R3HDM2: variants seen among roughly 807,000 people sequenced by gnomAD.
The protein encoded by R3HDM2 is R3H domain containing 2, also known as R3H domain-containing protein 2.
R3HDM2 carries 38 observed loss-of-function variants against 124.5 expected under a neutral mutation model. The observed-to-expected ratio is 0.31, with a 90% CI of 0.24 to 0.40. The LOEUF (loss-of-function observed/expected upper bound fraction) is 0.40. Among genes scored for constraint, R3HDM2 ranks in the 10% least tolerant of loss-of-function variants. The pLI is 1.00. For synonymous variants in R3HDM2, 391 were observed against 448.0 expected (o/e 0.87, Z 1.61); for missense variants, 869 against 1,236.9 (o/e 0.70, Z 4.46).
At chr12:57,275,261 G>A (rs1186086051) in intron 14 of R3HDM2, among the ~76,000 whole-genome samples, 2 of 152,128 alleles carry the variant, frequency 1.3e-5, no homozygotes, top group Admixed American at 1.3e-4. Flanking sequence ...TAATTGGCTA[G>A]CCACATGTAG....
intron 2 of R3HDM2, among the ~76,000 whole-genome samples, chr12:57,384,985 A>G (rs1566435721): frequency 1.3e-5 from 2 of 151,988 alleles, no homozygotes; most frequent in East Asian, 2.0e-4. Context: ...CATCTCTACT[A>G]AAAATACTAA....
chr12:57,398,280 G>A (rs1003874033), intron 1 of R3HDM2, among the ~76,000 whole-genome samples: 1 of 151,980 alleles, frequency 6.6e-6, no homozygotes, highest in African/African-American at 2.4e-5. Context: ...TCTAAACAGT[G>A]TCTGACACAT....
At chr12:57,342,215 T>C (rs1261704794) in intron 2 of R3HDM2, among the ~76,000 whole-genome samples, 2 of 152,168 alleles carry the variant, frequency 1.3e-5, no homozygotes, top group South Asian at 2.1e-4. Flanking sequence ...ACATTATTAA[T>C]GGAGACTTCA....
chr12:57,396,414 C>T (rs1478337554), intron 1 of R3HDM2, among the ~76,000 whole-genome samples: 1 of 151,478 alleles, frequency 6.6e-6, no homozygotes, highest in Non-Finnish European at 1.5e-5. Flanking sequence ...GCACTCCAGC[C>T]TGGGGGACAG....
At chr12:57,386,742 G>C (rs977990331) in intron 2 of R3HDM2, among the ~76,000 whole-genome samples, 13 of 152,242 alleles carry the variant, frequency 8.5e-5, no homozygotes, top group African/African-American at 3.1e-4. Flanking sequence ...TAAGTCTGGT[G>C]GGGACTTGGA....
rs558650907 is a variant in R3HDM2 at position 57,307,183 on chromosome 12, C to T, written c.165+3081G>A. Among the ~76,000 whole-genome samples, 59 of 152,204 alleles carry T rather than the reference C, an allele frequency of 3.9e-4. 1 individual carries two copies. Among genetic ancestry groups the T allele is most frequent in the Non-Finnish European group, 7.2e-4 (49 of 68,040 alleles). ...CTCACACATTATATGTAATGAACGT[C>T]CCTTTTCCCCAAACTTTTCAGCTCC... is the stretch of plus-strand genomic sequence containing the variant. On this transcript the variant is annotated intron_variant, in intron 3 of 23. Coordinates refer to ENST00000402412, the MANE Select transcript of R3HDM2 (RefSeq NM_001394031.1).
In R3HDM2 at chr12:57,296,723, C is replaced by A. The variant is rs1448824415; in HGVS notation, c.561-172G>T. ...GAACCAAATAGGTTTTTCTCAGTTT[C>A]TTTATCTACAGTATTCTGCAGATTA... On this transcript the variant is annotated intron_variant, in intron 8 of 23. Transcript: ENST00000402412. The surrounding 1 kb of genome is among the most constrained non-coding windows in gnomAD (Gnocchi z 4.5). The A allele has an allele frequency of 1.4e-6, 1 of 694,290 alleles. No individual in the cohort carries two copies. Among genetic ancestry groups the A allele is most frequent in the Non-Finnish European group, 2.3e-6 (1 of 431,628 alleles). 43.0% of individuals were successfully genotyped at this position (694,290 alleles called of 1,614,324 possible).
chr12:57,388,388 T>C (rs1360742118), intron 2 of R3HDM2, among the ~76,000 whole-genome samples: 2 of 152,206 alleles, frequency 1.3e-5, no homozygotes, highest in South Asian at 2.1e-4. Context: ...GAAAGGCATA[T>C]TTATTTATTA....
rs570961964 is a variant in R3HDM2, at chr12:57,413,744, A to AAAC, written c.-106+16973_-106+16975dup. On this transcript the variant is annotated intron_variant, in intron 1 of 23. Transcript: ENST00000402412. The stretch of plus-strand genomic sequence containing the variant: ...GAGCAAGACTCCATTCTCAAGGAAA[A>AAAC]AACAACAACAACAACAACAAAAAAA... Among the ~76,000 whole-genome samples, 144 of 151,940 alleles carry AAAC rather than the reference A, an allele frequency of 9.5e-4. 1 individual carries two copies. In the East Asian group the frequency reaches 0.019, roughly 20 times the overall value.
At chr12:57,410,837 A>G (rs2068941565) in intron 1 of R3HDM2, among the ~76,000 whole-genome samples, 1 of 152,218 alleles carries the variant, frequency 6.6e-6, no homozygotes, top group African/African-American at 2.4e-5. Flanking sequence ...TGAGTGACAG[A>G]GCAAGACTCT....
At chr12:57,401,246 T>C (rs1484947768) in intron 1 of R3HDM2, among the ~76,000 whole-genome samples, 4 of 151,540 alleles carry the variant, frequency 2.6e-5, no homozygotes, top group Non-Finnish European at 1.5e-5. Flanking sequence ...GTGACTTGCT[T>C]CAACCATCAG....
intron 2 of R3HDM2, among the ~76,000 whole-genome samples, chr12:57,346,905 T>G (rs2060143684): frequency 6.6e-6 from 1 of 151,916 alleles, no homozygotes; most frequent in African/African-American, 2.4e-5. Context: ...GGTGGTAAGG[T>G]TTCAAGACTC....
chr12:57,358,277 G>A (rs914569446), intron 2 of R3HDM2, among the ~76,000 whole-genome samples: 4 of 151,844 alleles, frequency 2.6e-5, no homozygotes, highest in Non-Finnish European at 4.4e-5. Flanking sequence ...GTGAGCCACC[G>A]CGCCCAGCCA....
chr12:57,430,001 C>T (rs908644390), intron 1 of R3HDM2, among the ~76,000 whole-genome samples: 4 of 152,162 alleles, frequency 2.6e-5, no homozygotes, highest in Non-Finnish European at 5.9e-5. Flanking sequence ...ACATTATGTA[C>T]AAGGATATTC....
intron 2 of R3HDM2, among the ~76,000 whole-genome samples, chr12:57,337,543 T>A (rs1324452730): frequency 2.0e-5 from 3 of 152,152 alleles, no homozygotes; most frequent in African/African-American, 7.2e-5. Flanking sequence ...AGCATTTTTT[T>A]AAGTCACTGC....
At chr12:57,261,105 T>A (rs1481005551) in intron 19 of R3HDM2, among the ~76,000 whole-genome samples, 1 of 152,180 alleles carries the variant, frequency 6.6e-6, no homozygotes, top group Non-Finnish European at 1.5e-5. Context: ...TGGAGTGTCA[T>A]GCATTTAACA....
intron 2 of R3HDM2, among the ~76,000 whole-genome samples, chr12:57,314,806 C>T (rs926599622): frequency 3.3e-5 from 5 of 152,100 alleles, no homozygotes; most frequent in Admixed American, 6.5e-5. Context: ...CTTAAATAGC[C>T]TCAAATTTAT....
intron 14 of R3HDM2, among the ~76,000 whole-genome samples, chr12:57,277,991 T>C (rs1195875949): frequency 2.0e-5 from 3 of 150,530 alleles, no homozygotes; most frequent in East Asian, 2.0e-4. Flanking sequence ...AGAGGAAGGG[T>C]GAAAAAGTGG....
At chr12:57,424,114 CAAAAAAAAA>C (rs35579430) in intron 1 of R3HDM2, among the ~76,000 whole-genome samples, 11 of 63,862 alleles carry the variant, frequency 1.7e-4, no homozygotes, top group East Asian at 1.1e-3. Context: ...AACTCTGTCT[CAAAAAAAAA>C]AAAAAAAAAA....
Sources: allele counts gnomAD v4.1 joint callset (sites outside exome capture counted in the v4.1 genomes callset), GRCh38; gene constraint gnomAD v4.1.1; non-coding constraint Gnocchi (gnomAD v3.1); transcripts MANE v1.5; gene names NCBI Gene and HGNC (gene_info 2026-07-23, HGNC 2026-07-21).